Variants in PSD3 observed in about 807,000 individuals in gnomAD.
PSD3 encodes the protein PH and SEC7 domain-containing protein 3.
PSD3 carries 49 observed loss-of-function variants against 105.5 expected under a neutral mutation model. The ratio of observed to expected loss-of-function variants is 0.46; its 90% CI spans 0.37 to 0.59. PSD3 has a LOEUF of 0.59. Among genes scored for constraint, PSD3 ranks in the 20% least tolerant of loss-of-function variants. PSD3 has a pLI of 0.00. For synonymous variants in PSD3, 557 were observed against 457.8 expected (o/e 1.22, Z -2.77); for missense variants, 1,561 against 1,263.8 (o/e 1.24, Z -3.57).
intron 1 of PSD3, among the ~76,000 whole-genome samples, chr8:18,938,092 C>T (rs1380614840): frequency 6.6e-6 from 1 of 152,024 alleles, no homozygotes; most frequent in Non-Finnish European, 1.5e-5. Flanking sequence ...GCCACTGAAG[C>T]GTTTTATGGG....
At chr8:18,916,307 T>G (rs1298177293) in intron 2 of PSD3, among the ~76,000 whole-genome samples, 17 of 6,400 alleles carry the variant, frequency 2.7e-3, no homozygotes, top group Non-Finnish European at 3.6e-3. Context: ...GATATATATA[T>G]ATATATATAT....
rs952398038 is a variant in PSD3 at position 18,605,440 on chromosome 8, G to A, written c.2411-5006C>T. Among the ~76,000 whole-genome samples the A allele has an allele frequency of 3.3e-5, 5 of 151,982 alleles. No homozygotes were observed. The South Asian group carries it at 8.3e-4, about 25-fold the overall frequency. ...TTTTCCCAATCCCTGTATCCCCATT[G>A]TATCTTGGGAGTAACTAACTTGTTT... is the stretch of plus-strand genomic sequence containing the variant. On this transcript the variant is annotated intron_variant, in intron 11 of 15. Transcript: ENST00000327040.
At chr8:18,633,193 G>C (rs559181861) in intron 10 of PSD3, among the ~76,000 whole-genome samples, 115 of 152,114 alleles carry the variant, frequency 7.6e-4, no homozygotes, top group South Asian at 2.9e-3. Context: ...TTATTGGCAG[G>C]AATTATGATT....
chr8:18,646,981 A>G (rs1808083972), intron 10 of PSD3, among the ~76,000 whole-genome samples: 1 of 152,218 alleles, frequency 6.6e-6, no homozygotes, highest in African/African-American at 2.4e-5. Flanking sequence ...GTACCCACAT[A>G]AAAAACAGGT....
chr8:18,784,856 C>A (rs1176460802), intron 8 of PSD3, among the ~76,000 whole-genome samples: 1 of 152,058 alleles, frequency 6.6e-6, no homozygotes, highest in Non-Finnish European at 1.5e-5. Context: ...TTTACAGAGG[C>A]TTTATAACAC....
At chr8:18,879,073 C>CACAT (rs1395418300) in intron 2 of PSD3, among the ~76,000 whole-genome samples, 7 of 150,632 alleles carry the variant, frequency 4.6e-5, no homozygotes, top group Admixed American at 1.3e-4. Flanking sequence ...CACACACACA[C>CACAT]ACACACACAC....
At chr8:18,942,224 CAGTG>C (rs554023215) in intron 1 of PSD3, among the ~76,000 whole-genome samples, 177 of 152,222 alleles carry the variant, frequency 1.2e-3, no homozygotes, top group Non-Finnish European at 1.9e-3. Context: ...CCAAGTCAGC[CAGTG>C]AGTATTATAA....
At chr8:18,565,066 T>C (rs552198788) in intron 14 of PSD3, among the ~76,000 whole-genome samples, 1 of 152,196 alleles carries the variant, frequency 6.6e-6, no homozygotes, top group East Asian at 1.9e-4. Context: ...TCCTACAGTG[T>C]AGGGTTTAAG....
chr8:18,921,087 G>A (rs933059532), intron 2 of PSD3, among the ~76,000 whole-genome samples: 1 of 152,132 alleles, frequency 6.6e-6, no homozygotes, highest in African/African-American at 2.4e-5. Flanking sequence ...ACCTTCTTCA[G>A]AAATCCTTGA....
At chr8:18,955,759 T>TATTC (rs1823529064) in intron 1 of PSD3, among the ~76,000 whole-genome samples, 1 of 151,440 alleles carries the variant, frequency 6.6e-6, no homozygotes, top group Admixed American at 6.6e-5. Flanking sequence ...TAGCATATTT[T>TATTC]ATTTATTTAT....
intron 9 of PSD3, among the ~76,000 whole-genome samples, chr8:18,677,954 G>A (rs1210959348): frequency 2.7e-5 from 4 of 150,318 alleles, no homozygotes; most frequent in African/African-American, 7.3e-5. Flanking sequence ...AGCTTGCAGT[G>A]AGCCGAGATC....
intron 11 of PSD3, among the ~76,000 whole-genome samples, chr8:18,609,039 G>C (rs10503620): frequency 0.031 from 4,669 of 152,158 alleles, 115 homozygotes; most frequent in East Asian, 0.13. Flanking sequence ...AATATGGATA[G>C]AAAGTCATAA....
At chr8:18,774,869 A>T in intron 8 of PSD3, 1 of 456,214 alleles carries the variant, frequency 2.2e-6, no homozygotes, top group Non-Finnish European at 4.4e-6. Context: ...CTGTCTTAGC[A>T]GCTCCTCTTC....
intron 9 of PSD3, among the ~76,000 whole-genome samples, chr8:18,725,920 A>G (rs1803307465): frequency 6.6e-6 from 1 of 152,222 alleles, no homozygotes; most frequent in African/African-American, 2.4e-5. Flanking sequence ...AGGCAATGCA[A>G]TGTAAAACCA....
At chr8:18,779,565 G>A (rs1031862701) in intron 8 of PSD3, among the ~76,000 whole-genome samples, 4 of 151,586 alleles carry the variant, frequency 2.6e-5, no homozygotes, top group African/African-American at 4.9e-5. Context: ...CTTTCTTCAT[G>A]TAAGTATTTG....
At chr8:18,915,027 AGCCC>A in intron 2 of PSD3, among the ~76,000 whole-genome samples, 1 of 152,204 alleles carries the variant, frequency 6.6e-6, no homozygotes, top group South Asian at 2.1e-4. Context: ...CAGAATAGGA[AGCCC>A]ATAAATAAAG....
intron 9 of PSD3, among the ~76,000 whole-genome samples, chr8:18,656,690 G>A (rs923974987): frequency 2.6e-5 from 4 of 152,126 alleles, no homozygotes; most frequent in Admixed American, 1.3e-4. Flanking sequence ...TAGTCAGCTT[G>A]TTCCACTATA....
At chr8:18,612,375 ATT>A (rs71217390) in intron 11 of PSD3, among the ~76,000 whole-genome samples, 2 of 148,244 alleles carry the variant, frequency 1.3e-5, no homozygotes, top group African/African-American at 4.9e-5. Context: ...TTACTGATGC[ATT>A]TTTTTTTTTC....
At chr8:18,973,411 C>T (rs1002639405) in intron 1 of PSD3, among the ~76,000 whole-genome samples, 7 of 152,188 alleles carry the variant, frequency 4.6e-5, no homozygotes, top group Non-Finnish European at 8.8e-5. Context: ...ATTCTGGTGG[C>T]GGCCCTCTTA....
Sources: allele counts gnomAD v4.1 joint callset (sites outside exome capture counted in the v4.1 genomes callset), GRCh38; gene constraint gnomAD v4.1.1; transcripts MANE v1.5; gene names NCBI Gene and HGNC (gene_info 2026-07-23, HGNC 2026-07-21).